Variants in FNBP1L observed in about 807,000 individuals in gnomAD.
FNBP1L encodes the protein formin-binding protein 1-like.
Under a neutral mutation model 91.2 loss-of-function variants are expected in FNBP1L, and 36 were observed. The ratio of observed to expected loss-of-function variants is 0.39; its 90% CI spans 0.30 to 0.52. The LOEUF is 0.52. Ranked by LOEUF, FNBP1L falls within the 20% of genes least tolerant of loss-of-function variation. The probability of loss-of-function intolerance (pLI) is 0.66; values close to 1 mark genes in which losing one functional copy is unlikely to be tolerated. For missense variants in FNBP1L, 571 were observed against 732.1 expected (o/e 0.78, Z 2.54); for synonymous variants, 242 against 237.0 (o/e 1.02, Z -0.19).
chr1:93,478,868 A>T (rs1427761163), intron 1 of FNBP1L, among the ~76,000 whole-genome samples: 1 of 152,238 alleles, frequency 6.6e-6, no homozygotes, highest in Non-Finnish European at 1.5e-5. Context: ...TGGTAAGTTT[A>T]ATTCGGACTC....
chr1:93,513,323 C>T lies in FNBP1L; in HGVS notation c.141-8759C>T, dbSNP rs546837974. On this transcript the variant is annotated intron_variant, in intron 2 of 16. Transcript: ENST00000271234. Reference sequence around the variant, plus strand: ...GTCCAGGACCAGATGGATTCACAGCCGAATTCTACCAGAGGTACAAGGAGG... The same window carrying T: ...GTCCAGGACCAGATGGATTCACAGCTGAATTCTACCAGAGGTACAAGGAGG... Among the ~76,000 whole-genome samples the T allele has an allele frequency of 4.9e-3, 743 of 151,680 alleles. 22 individuals carry two copies. The highest frequency in any genetic ancestry group is 0.044 in the Admixed American group (668 of 15,216).
intron 1 of FNBP1L, among the ~76,000 whole-genome samples, chr1:93,478,599 A>G (rs992409295): frequency 4.6e-5 from 7 of 152,164 alleles, no homozygotes; most frequent in African/African-American, 1.7e-4. Flanking sequence ...GTGGCAGTCT[A>G]ATAAGGTATG....
chr1:93,469,288 A>T (rs1570772189), intron 1 of FNBP1L, among the ~76,000 whole-genome samples: 1 of 113,336 alleles, frequency 8.8e-6, no homozygotes, highest in African/African-American at 3.6e-5. Context: ...CCCTGTGTCC[A>T]TGTGTTCTCA....
At chr1:93,546,740 T>C in intron 12 of FNBP1L, 102 bp from the exon 13 acceptor site, 1 of 1,253,802 alleles carries the variant, frequency 8.0e-7, no homozygotes, top group South Asian at 1.4e-5. Flanking sequence ...GTGACTCTAC[T>C]TAAGATTAAG....
intron 1 of FNBP1L, among the ~76,000 whole-genome samples, chr1:93,485,412 A>G (rs1440788857): frequency 1.3e-5 from 2 of 152,216 alleles, no homozygotes; most frequent in African/African-American, 2.4e-5. Flanking sequence ...TTTAATAAAT[A>G]CATTTATATA....
Position 93,525,138 on chromosome 1 carries a change from T to C in FNBP1L, c.405+815T>C, listed in dbSNP as rs182372287. ...ATACTCTTTTTGGACCCTCAAGTTATCGAACAGTTTACTCTTTACTAGCAT... is the reference window on the plus strand; with the variant it reads ...ATACTCTTTTTGGACCCTCAAGTTACCGAACAGTTTACTCTTTACTAGCAT... On this transcript the variant is annotated intron_variant, in intron 5 of 16. Transcript: ENST00000271234. 2.7e-3 allele frequency among the ~76,000 whole-genome samples: 404 copies of C among 152,080 alleles called. 1 individual carries two copies. Among genetic ancestry groups the C allele is most frequent in the African/African-American group, 8.9e-3 (371 of 41,530 alleles).
Position 93,546,898 on chromosome 1 carries a change from C to T in FNBP1L, c.1331C>T (p.Pro444Leu). The T allele has an allele frequency of 6.2e-7, 1 of 1,612,848 alleles. No individual in the cohort carries two copies. The highest frequency in any genetic ancestry group is 8.5e-7 in the Non-Finnish European group (1 of 1,179,386). ...GAGAAGAATCCACAAATGGGGGATC[C>T]AGGGAGTTTGCAGCCTAAATTAGCA... Reference protein sequence around the residue: ...VYEKNPQMGDPGSLQPKLAET... With the variant: ...VYEKNPQMGDLGSLQPKLAET... The change falls in exon 13 of 17, where the codon CCA becomes CTA. Residue 444 changes from proline to leucine, a missense_variant. Physicochemically the swap from Pro to Leu is moderately conservative, Grantham distance 98. Transcript: ENST00000271234.
At chr1:93,545,402 C>T (rs768503186) in intron 12 of FNBP1L, among the ~76,000 whole-genome samples, 23 of 152,086 alleles carry the variant, frequency 1.5e-4, no homozygotes, top group Non-Finnish European at 3.2e-4. Flanking sequence ...CCAGATATCT[C>T]CATGTCCAAA....
chr1:93,491,797 T>A (rs1329755403), intron 1 of FNBP1L, among the ~76,000 whole-genome samples: 1 of 152,226 alleles, frequency 6.6e-6, no homozygotes, highest in Admixed American at 6.5e-5. Context: ...AATTATAGGC[T>A]TCTGTTATGT....
chr1:93,541,937 A>C (rs1034087958), intron 11 of FNBP1L, among the ~76,000 whole-genome samples: 1 of 152,124 alleles, frequency 6.6e-6, no homozygotes, highest in Non-Finnish European at 1.5e-5. Flanking sequence ...GGGTTTGATA[A>C]GGGATAAGTG....
chr1:93,544,208 A>G lies in FNBP1L; in HGVS notation c.1266A>G (p.Ser422=). ...TTAACAGAGAACTACAGAAAGAATC[A>G]GACCAAAAGTATTATTCCTTTAAGT... ...DELNRELQKE[S]DQKDALNKMK... The change falls in exon 12 of 17, where the codon TCA becomes TCG. Residue 422 remains serine (S), a synonymous_variant. Coordinates refer to ENST00000271234, the MANE Select transcript of FNBP1L (RefSeq NM_001164473.3). The G allele has an allele frequency of 6.2e-7, 1 of 1,607,050 alleles. No individual in the cohort carries two copies. Among genetic ancestry groups the G allele is most frequent in the Non-Finnish European group, 8.5e-7 (1 of 1,175,482 alleles).
intron 2 of FNBP1L, among the ~76,000 whole-genome samples, chr1:93,510,057 G>A (rs1670773214): frequency 6.6e-6 from 1 of 152,188 alleles, no homozygotes; most frequent in Non-Finnish European, 1.5e-5. Context: ...CATTGCCCAG[G>A]CTTGCTTAGG....
At chr1:93,501,845 A>T (rs369947202) in intron 2 of FNBP1L, among the ~76,000 whole-genome samples, 1 of 152,212 alleles carries the variant, frequency 6.6e-6, no homozygotes, top group African/African-American at 2.4e-5. Context: ...AAAATGTTTA[A>T]AAAGTCTAAT....
intron 10 of FNBP1L, among the ~76,000 whole-genome samples, chr1:93,537,841 A>G (rs901242696): frequency 6.6e-6 from 1 of 152,022 alleles, no homozygotes; most frequent in East Asian, 1.9e-4. Context: ...ATGGCAGTTT[A>G]TTTATTACTT....
At chr1:93,517,022 T>C (rs996167808) in intron 2 of FNBP1L, among the ~76,000 whole-genome samples, 7 of 151,192 alleles carry the variant, frequency 4.6e-5, no homozygotes, top group Admixed American at 4.0e-4. Context: ...TTCCTCCTCC[T>C]CTTTTCTTCT....
chr1:93,513,248 A>G (rs1670931131), intron 2 of FNBP1L, among the ~76,000 whole-genome samples: 2 of 151,636 alleles, frequency 1.3e-5, no homozygotes, highest in Non-Finnish European at 3.0e-5. Flanking sequence ...ATAGACCAAT[A>G]ACAGGATCTG....
chr1:93,494,669 G>A (rs1428774874), intron 1 of FNBP1L, among the ~76,000 whole-genome samples: 1 of 152,192 alleles, frequency 6.6e-6, no homozygotes, highest in African/African-American at 2.4e-5. Context: ...ATCAGGGGTG[G>A]AGACCAAATG....
chr1:93,547,054 A>G (rs1672265907), intron 13 of FNBP1L, 80 bp downstream of exon 13: 1 of 1,392,854 alleles, frequency 7.2e-7, no homozygotes, highest in Non-Finnish European at 9.8e-7. Flanking sequence ...TGTTAGAATT[A>G]TCTTCAAATG....
At chr1:93,519,153 C>G (rs1671232078) in intron 2 of FNBP1L, among the ~76,000 whole-genome samples, 2 of 152,114 alleles carry the variant, frequency 1.3e-5, no homozygotes, top group East Asian at 1.9e-4. Flanking sequence ...GTTTGGGTAA[C>G]CAGGATTAAT....
Sources: allele counts gnomAD v4.1 joint callset (sites outside exome capture counted in the v4.1 genomes callset), GRCh38; gene constraint gnomAD v4.1.1; transcripts MANE v1.5; gene names NCBI Gene and HGNC (gene_info 2026-07-23, HGNC 2026-07-21).